ZSWIM6: variants seen among roughly 807,000 people sequenced by gnomAD.
ZSWIM6 encodes the protein zinc finger SWIM-type containing 6.
A neutral mutation model predicts 113.2 loss-of-function variants in ZSWIM6; 9 were observed. The ratio of observed to expected loss-of-function variants is 0.08; its 90% CI spans 0.05 to 0.14. The LOEUF (loss-of-function observed/expected upper bound fraction) is 0.14, where lower values mean the gene tolerates loss of function less well. ZSWIM6 is among the 10% of genes least tolerant of loss of function. The pLI, the probability that ZSWIM6 is intolerant of heterozygous loss-of-function variation, is 1.00. For missense variants in ZSWIM6, 1,162 were observed against 1,552.2 expected, an observed-to-expected ratio of 0.75 and a Z score of 4.22; for synonymous variants, 611 against 606.5, an observed-to-expected ratio of 1.01 and a Z score of -0.11.
At chr5:61,339,412 CAA>C (rs372969006) in intron 1 of ZSWIM6, among the ~76,000 whole-genome samples, 6 of 148,594 alleles carry the variant, frequency 4.0e-5, no homozygotes, top group Non-Finnish European at 9.0e-5. Flanking sequence ...GAACCTGTCT[CAA>C]AAAAAAAATC....
At chr5:61,336,646 T>C (rs971042900) in intron 1 of ZSWIM6, among the ~76,000 whole-genome samples, 7 of 151,964 alleles carry the variant, frequency 4.6e-5, no homozygotes, top group Non-Finnish European at 8.8e-5. Flanking sequence ...TCTCAGCTAC[T>C]TGGGAAGCTG....
intron 1 of ZSWIM6, chr5:61,391,454 C>T (rs1745709268): frequency 7.7e-6 from 10 of 1,306,726 alleles, no homozygotes; most frequent in African/African-American, 1.5e-5. Flanking sequence ...TTGCCATCCT[C>T]ATCCTGACAT....
At chr5:61,353,295 C>G (rs1461402414) in intron 1 of ZSWIM6, among the ~76,000 whole-genome samples, 3 of 152,132 alleles carry the variant, frequency 2.0e-5, no homozygotes, top group Non-Finnish European at 4.4e-5. Context: ...AGTACCAGTT[C>G]TGTGCTTTAC....
intron 4 of ZSWIM6, among the ~76,000 whole-genome samples, chr5:61,505,416 G>T (rs1748575299): frequency 6.6e-6 from 1 of 152,014 alleles, no homozygotes; most frequent in Non-Finnish European, 1.5e-5. Flanking sequence ...AGGTGGCTCT[G>T]GTGACCTCCT....
chr5:61,418,865 A>G (rs1376772439), intron 1 of ZSWIM6, among the ~76,000 whole-genome samples: 1 of 152,172 alleles, frequency 6.6e-6, no homozygotes, highest in Non-Finnish European at 1.5e-5. Flanking sequence ...CCTGTCGCCC[A>G]GGCTAGAGTG....
rs571428047 is a variant in ZSWIM6 at position 61,377,999 on chromosome 5, A to C, written c.676+45051A>C. 1.9e-4 allele frequency among the ~76,000 whole-genome samples: 29 copies of C among 152,326 alleles called. 2 individuals are homozygous for C. Among genetic ancestry groups the C allele is most frequent in the African/African-American group, 7.0e-4 (29 of 41,580 alleles). On this transcript the variant is annotated intron_variant, in intron 1 of 13. Transcript: ENST00000252744. Reference sequence around the variant, plus strand: ...AAAACCTATTACATTGATGAAAATAAAAATTTAGCAAATTGTTAGCCTGAA... The same window carrying C: ...AAAACCTATTACATTGATGAAAATACAAATTTAGCAAATTGTTAGCCTGAA...
At chr5:61,368,196 G>A (rs115792318) in intron 1 of ZSWIM6, among the ~76,000 whole-genome samples, 1,738 of 151,418 alleles carry the variant, frequency 0.011, 25 homozygotes, top group African/African-American at 0.039. Flanking sequence ...TGTTTAAATA[G>A]CCCAGTGCCC....
intron 1 of ZSWIM6, among the ~76,000 whole-genome samples, chr5:61,363,978 C>T (rs1745097811): frequency 6.8e-6 from 1 of 148,030 alleles, no homozygotes; most frequent in African/African-American, 2.5e-5. Context: ...TCCTCCCTCC[C>T]TCCCTCCCTC....
intron 1 of ZSWIM6, among the ~76,000 whole-genome samples, chr5:61,471,353 C>T (rs1429268732): frequency 1.3e-5 from 2 of 152,172 alleles, no homozygotes. Flanking sequence ...CCACCCACCC[C>T]AATTTAGGAT....
chr5:61,390,717 A>G (rs554387973), intron 1 of ZSWIM6: 12 of 801,966 alleles, frequency 1.5e-5, no homozygotes, highest in Non-Finnish European at 2.7e-5. Context: ...TGGTGCCATG[A>G]ATGCTGTCTT....
intron 1 of ZSWIM6, among the ~76,000 whole-genome samples, chr5:61,420,321 C>G (rs949924612): frequency 6.6e-6 from 1 of 152,202 alleles, no homozygotes; most frequent in Non-Finnish European, 1.5e-5. Context: ...ATACTAATGT[C>G]CAGCTTTTTA....
chr5:61,332,658 C>CCGG lies in ZSWIM6; in HGVS notation c.395_397dup (p.Gly132dup). 2.7e-6 allele frequency: 3 copies of CCGG among 1,123,128 alleles called. No individual in the cohort carries two copies. The highest frequency in any genetic ancestry group is 1.6e-4 in the East Asian group (2 of 12,776). The allele number at this position is 1,123,128 out of a possible 1,614,324, so 69.6% of individuals were successfully genotyped here. ...ATCTGCATGTACTCGTCCTTCAACA[C>CCGG]CGGCGGCGGCGCCGCGGGCGGCCCC... On this transcript the variant is annotated inframe_insertion, in exon 1 of 14. Transcript: ENST00000252744.
intron 1 of ZSWIM6, among the ~76,000 whole-genome samples, chr5:61,443,555 G>A (rs1386624728): frequency 1.3e-5 from 2 of 152,162 alleles, no homozygotes; most frequent in Non-Finnish European, 2.9e-5. Flanking sequence ...TTTAGAACTT[G>A]AAATCTTGCC....
intron 4 of ZSWIM6, among the ~76,000 whole-genome samples, chr5:61,499,356 G>A (rs778389004): frequency 6.7e-6 from 1 of 149,238 alleles, no homozygotes; most frequent in Non-Finnish European, 1.5e-5. Flanking sequence ...AAGTCTTATT[G>A]TGGTCTCTCT....
intron 3 of ZSWIM6, 41 bp from the exon 4 acceptor site, chr5:61,494,213 TGTTTTC>T: frequency 6.5e-7 from 1 of 1,538,874 alleles, no homozygotes; most frequent in Non-Finnish European, 8.8e-7. Context: ...GGTTTTGTTG[TGTTTTC>T]GTTTTGAACA....
At chr5:61,404,259 CT>C (rs1746003538) in intron 1 of ZSWIM6, among the ~76,000 whole-genome samples, 1 of 152,160 alleles carries the variant, frequency 6.6e-6, no homozygotes, top group South Asian at 2.1e-4. Flanking sequence ...GAAAACTTTC[CT>C]TCACATTTTC....
At position 61,332,854 on chromosome 5, in the gene ZSWIM6, C is replaced by T. The variant is rs746876878; in HGVS notation, c.582C>T (p.Ala194=). 287 of 1,173,368 alleles carry T rather than the reference C, an allele frequency of 2.4e-4. 1 individual carries two copies. Among genetic ancestry groups the T allele is most frequent in the Admixed American group, 1.4e-3 (43 of 30,242 alleles). 72.7% of individuals were successfully genotyped at this position (1,173,368 alleles called of 1,614,324 possible). Residue 194 remains alanine, a synonymous_variant, in exon 1 of 14, where the codon GCC becomes GCT. Coordinates refer to ENST00000252744, the MANE Select transcript of ZSWIM6 (RefSeq NM_020928.2). ...CCGGGGCCCCGTCGGTGGGGGCTGC[C>T]GGGGCGGCGGACGGCGGCGACGAGA... ...AGAGAPSVGA[A]GAADGGDETR... is the part of the protein sequence containing the mutation.
chr5:61,542,662 C>T (rs553772434), intron 13 of ZSWIM6, among the ~76,000 whole-genome samples: 11 of 152,186 alleles, frequency 7.2e-5, no homozygotes, highest in South Asian at 4.2e-4. Flanking sequence ...CTTTCACTAA[C>T]GTATAATGGT....
intron 1 of ZSWIM6, among the ~76,000 whole-genome samples, chr5:61,460,796 A>C (rs1363428455): frequency 6.6e-6 from 1 of 152,000 alleles, no homozygotes; most frequent in African/African-American, 2.4e-5. Context: ...GAAAGAATAC[A>C]TCCTTTTATG....
Sources: gnomAD v4.1 joint callset for allele counts (sites outside exome capture counted in the v4.1 genomes callset) on GRCh38, gnomAD v4.1.1 for gene constraint, MANE v1.5 for transcripts, NCBI Gene and HGNC (gene_info 2026-07-23, HGNC 2026-07-21) for gene names.